Variants in NPR3 observed in about 807,000 individuals in gnomAD.
The protein encoded by NPR3 is atrial natriuretic peptide receptor 3.
A neutral mutation model predicts 54.5 loss-of-function variants in NPR3; 34 were observed. That is an observed-to-expected ratio of 0.62 (90% CI 0.47 to 0.83). NPR3 has a LOEUF of 0.83. NPR3 is among the 40% of genes least tolerant of loss of function. The pLI, the probability that NPR3 is intolerant of heterozygous loss-of-function variation, is 0.00. For missense variants in NPR3, 674 were observed against 720.8 expected (o/e 0.94, Z 0.74); for synonymous variants, 289 against 297.1 (o/e 0.97, Z 0.28).
intron 3 of NPR3, among the ~76,000 whole-genome samples, chr5:32,774,364 C>T (rs1741925167): frequency 6.6e-6 from 1 of 152,170 alleles, no homozygotes; most frequent in African/African-American, 2.4e-5. Flanking sequence ...AAGCTGAATT[C>T]ACATAAGCTT....
At chr5:32,747,579 T>G (rs1340585892) in intron 3 of NPR3, among the ~76,000 whole-genome samples, 4 of 152,176 alleles carry the variant, frequency 2.6e-5, no homozygotes, top group Non-Finnish European at 5.9e-5. Flanking sequence ...TGCCAAACAT[T>G]TTAGATAATG....
intron 3 of NPR3, among the ~76,000 whole-genome samples, chr5:32,761,855 C>G (rs1440703317): frequency 6.6e-6 from 1 of 151,328 alleles, no homozygotes; most frequent in Non-Finnish European, 1.5e-5. Flanking sequence ...AGGTTTGTTA[C>G]ATAGGTATAC....
chr5:32,785,220 TC>T lies in NPR3; in HGVS notation c.1514+338del, dbSNP rs368736365. ...CAGGCTGGAGTGCAGTGGCACGATCTCTGTTCACTGCAACCTCCACCTCCTG... is the reference window on the plus strand; with the variant it reads ...CAGGCTGGAGTGCAGTGGCACGATCTTGTTCACTGCAACCTCCACCTCCTG... On this transcript the variant is annotated intron_variant, in intron 7 of 7. Coordinates refer to ENST00000265074, the MANE Select transcript of NPR3 (RefSeq NM_001204375.2). Among the ~76,000 whole-genome samples the T allele has an allele frequency of 1.8e-4, 26 of 147,896 alleles. 1 individual carries two copies. In the East Asian group the frequency reaches 4.9e-3, roughly 28 times the overall value.
chr5:32,699,921 A>G (rs1259475048), intron 1 of NPR3, among the ~76,000 whole-genome samples: 1 of 152,208 alleles, frequency 6.6e-6, no homozygotes, highest in Non-Finnish European at 1.5e-5. Flanking sequence ...ACTACTGGGA[A>G]AATCTTTAAT....
chr5:32,712,037 G>C lies in NPR3; in HGVS notation c.261G>C (p.Gly87=). The C allele has an allele frequency of 6.2e-7, 1 of 1,613,840 alleles. No individual in the cohort carries two copies. Among genetic ancestry groups the C allele is most frequent in the Non-Finnish European group, 8.5e-7 (1 of 1,179,804 alleles). The part of the protein sequence containing the change: ...EYALRSVEGN[G]TGRRLLPPGT... ...CTCTGCGCAGCGTGGAGGGCAACGG[G>C]ACTGGGAGGCGGCTTCTGCCGCCGG... is the stretch of plus-strand genomic sequence containing the variant. The change falls in exon 1 of 8, where the codon GGG becomes GGC. Residue 87 remains glycine, a synonymous_variant. Coordinates refer to ENST00000265074, the MANE Select transcript of NPR3 (RefSeq NM_001204375.2).
At position 32,786,887 on chromosome 5, in the gene NPR3, T is replaced by C. The variant is rs1742668394; in HGVS notation, c.*542T>C. On this transcript the variant is annotated 3_prime_UTR_variant, in exon 8 of 8. Transcript: ENST00000265074. ...CTGTCCGATGTCTACATTCAGGTTCTGACTTCATATCTTGAAAAAGGATTT... is the reference window on the plus strand; with the variant it reads ...CTGTCCGATGTCTACATTCAGGTTCCGACTTCATATCTTGAAAAAGGATTT... The C allele has an allele frequency of 6.5e-6, 1 of 153,684 alleles. No homozygotes were observed. The highest frequency in any genetic ancestry group is 2.1e-4 in the South Asian group (1 of 4,858). The allele number at this position is 153,684 out of a possible 1,614,324, so 9.5% of individuals were successfully genotyped here. A position where few individuals can be genotyped will look rare whatever the true frequency, so the allele number is the denominator to read the frequency against.
Position 32,722,860 on chromosome 5 carries a change from C to G in NPR3, c.770-1838C>G, listed in dbSNP as rs1738934132. Among the ~76,000 whole-genome samples the G allele has an allele frequency of 2.0e-5, 3 of 152,116 alleles. 1 individual carries two copies. The South Asian group carries it at 6.2e-4, about 32-fold the overall frequency. On this transcript the variant is annotated intron_variant, in intron 1 of 7. Coordinates refer to ENST00000265074, the MANE Select transcript of NPR3 (RefSeq NM_001204375.2). ...GCATCTTGGAATTGATTATTTATTC[C>G]AAATGTATACCTATACTTTCAGGCA...
At chr5:32,782,557 C>T (rs1742392686) in intron 5 of NPR3, among the ~76,000 whole-genome samples, 1 of 152,150 alleles carries the variant, frequency 6.6e-6, no homozygotes, top group Non-Finnish European at 1.5e-5. Context: ...GTGCAGAGCC[C>T]AGGGGACACC....
Position 32,729,313 on chromosome 5 carries a change from G to A in NPR3, c.892+4493G>A, listed in dbSNP as rs112193817. 2.1e-3 allele frequency among the ~76,000 whole-genome samples: 314 copies of A among 152,252 alleles called. 1 individual carries two copies. The highest frequency in any genetic ancestry group is 7.3e-3 in the African/African-American group (303 of 41,550). ...CAAAGTGCTGGGATTACAGGCGTGAGCCACCGAGCCCGGCCTGCCTGTGTT... is the reference window on the plus strand; with the variant it reads ...CAAAGTGCTGGGATTACAGGCGTGAACCACCGAGCCCGGCCTGCCTGTGTT... On this transcript the variant is annotated intron_variant, in intron 2 of 7. Transcript: ENST00000265074.
intron 3 of NPR3, among the ~76,000 whole-genome samples, chr5:32,773,850 C>A (rs4537075): frequency 4.6e-5 from 7 of 152,190 alleles, no homozygotes; most frequent in Non-Finnish European, 8.8e-5. Flanking sequence ...TAATAGAATT[C>A]TTGCAATTCC....
At chr5:32,710,859 G>GTTTT (rs56022335), upstream of NPR3, 174 of 979,600 alleles carry the variant, frequency 1.8e-4, no homozygotes, top group Middle Eastern at 1.0e-3. Flanking sequence ...CCCAGTCCTG[G>GTTTT]TTTTTTTTTT....
rs564031166 is a variant in NPR3, at chr5:32,734,830, G to A, written c.893-4034G>A. Among the ~76,000 whole-genome samples, 3 of 152,214 alleles carry A rather than the reference G, an allele frequency of 2.0e-5. No individual in the cohort carries two copies. The South Asian group carries it at 6.2e-4, about 32-fold the overall frequency. On this transcript the variant is annotated intron_variant, in intron 2 of 7. Transcript: ENST00000265074. Reference sequence around the variant, plus strand: ...TAAATAGTCACACATGTGGCTAGTGGCTCCTCTGTGAGACAGCACCGCTCT... The same window carrying A: ...TAAATAGTCACACATGTGGCTAGTGACTCCTCTGTGAGACAGCACCGCTCT...
intron 3 of NPR3, among the ~76,000 whole-genome samples, chr5:32,745,434 C>T (rs112776800): frequency 6.6e-6 from 1 of 152,198 alleles, no homozygotes; most frequent in African/African-American, 2.4e-5. Context: ...GGTGCTTGGC[C>T]TCTGCCCATG....
chr5:32,774,609 G>A, intron 3 of NPR3, 99 bp from the exon 4 acceptor site: 1 of 873,174 alleles, frequency 1.1e-6, no homozygotes, highest in African/African-American at 1.6e-5. Flanking sequence ...ATGGCTAACA[G>A]ACCTGAAGTC....
intron 3 of NPR3, among the ~76,000 whole-genome samples, chr5:32,772,822 T>C (rs1226200683): frequency 6.6e-6 from 1 of 152,230 alleles, no homozygotes; most frequent in African/African-American, 2.4e-5. Flanking sequence ...TAGGTACTGT[T>C]AATTTTTCTC....
chr5:32,742,550 T>G (rs1221722959), intron 3 of NPR3, among the ~76,000 whole-genome samples: 1 of 152,132 alleles, frequency 6.6e-6, no homozygotes, highest in African/African-American at 2.4e-5. Context: ...GAATTAAAAT[T>G]AAGTATAATT....
At chr5:32,715,794 C>G (rs1275460050) in intron 1 of NPR3, among the ~76,000 whole-genome samples, 1 of 152,074 alleles carries the variant, frequency 6.6e-6, no homozygotes, top group African/African-American at 2.4e-5. Flanking sequence ...TATCCTAACG[C>G]AAATGTTTTT....
intron 2 of NPR3, among the ~76,000 whole-genome samples, chr5:32,738,420 C>T (rs1739864335): frequency 6.6e-6 from 1 of 152,108 alleles, no homozygotes; most frequent in Non-Finnish European, 1.5e-5. Flanking sequence ...TGTCATGCGT[C>T]ACTGTGACCT....
intron 4 of NPR3, among the ~76,000 whole-genome samples, chr5:32,776,949 C>G (rs59641651): frequency 6.6e-6 from 1 of 152,086 alleles, no homozygotes; most frequent in African/African-American, 2.4e-5. Context: ...GTGAGGGAAG[C>G]TCTGTAGATG....
Sources: gnomAD v4.1 joint callset for allele counts (sites outside exome capture counted in the v4.1 genomes callset) on GRCh38, gnomAD v4.1.1 for gene constraint, MANE v1.5 for transcripts, NCBI Gene and HGNC (gene_info 2026-07-23, HGNC 2026-07-21) for gene names.